The following DCAF6 variants were observed in gnomAD, a reference collection of about 807,000 sequenced individuals.
DCAF6 encodes DDB1- and CUL4-associated factor 6.
In DCAF6, 54 loss-of-function variants were observed where a neutral mutation model predicts 125.1. That is an observed-to-expected ratio of 0.43 (90% CI 0.35 to 0.54). The LOEUF (loss-of-function observed/expected upper bound fraction) is 0.54. Among genes scored for constraint, DCAF6 ranks in the 20% least tolerant of loss-of-function variants. The probability of loss-of-function intolerance (pLI) is 0.01; values close to 1 mark genes in which losing one functional copy is unlikely to be tolerated. For missense variants in DCAF6, 934 were observed against 1,161.7 expected (o/e 0.80, Z 2.85); for synonymous variants, 371 against 390.4 (o/e 0.95, Z 0.58).
intron 12 of DCAF6, among the ~76,000 whole-genome samples, chr1:168,027,417 C>T (rs2103276243): frequency 6.6e-6 from 1 of 152,176 alleles, no homozygotes; most frequent in East Asian, 1.9e-4. Flanking sequence ...TTCTTGTTCT[C>T]AGTTTTACCA....
In DCAF6 at chr1:168,026,825, A is replaced by T. The variant is rs548187881; in HGVS notation, c.1609+3778A>T. On this transcript the variant is annotated intron_variant, in intron 12 of 21. Transcript: ENST00000367840. ...GTCACCAAAGTGATCTGAGGTAGAA[A>T]TAAAGGTAAGGAATCATTAGTTTAT... Among the ~76,000 whole-genome samples, 3 of 152,230 alleles carry T rather than the reference A, an allele frequency of 2.0e-5. No individual in the cohort carries two copies. In the East Asian group the frequency reaches 5.8e-4, roughly 29 times the overall value.
At position 168,069,132 on chromosome 1, in the gene DCAF6, C is replaced by T. The variant is rs149931414; in HGVS notation, c.2791+669C>T. On this transcript the variant is annotated intron_variant, in intron 21 of 21. Coordinates refer to ENST00000367840, the MANE Select transcript of DCAF6 (RefSeq NM_001198956.2). Reference sequence around the variant, plus strand: ...CAGGCTTATACTAATTATTTCACAGCTTTATCCTCATTTACCTCCAATCCT... The same window carrying T: ...CAGGCTTATACTAATTATTTCACAGTTTTATCCTCATTTACCTCCAATCCT... Among the ~76,000 whole-genome samples, 1,306 of 152,252 alleles carry T rather than the reference C, an allele frequency of 8.6e-3. 8 individuals carry two copies. The highest frequency in any genetic ancestry group is 0.012 in the Admixed American group (187 of 15,282).
At chr1:167,927,129 A>G in the DCAF6 span, among the ~76,000 whole-genome samples, 1 of 152,212 alleles carries the variant, frequency 6.6e-6, no homozygotes, top group South Asian at 2.1e-4. Context: ...AAGATATTCA[A>G]ACTTTCTGTC....
chr1:168,068,336 C>A (rs376291700), intron 20 of DCAF6, 22 bp from the exon 21 acceptor site: 2 of 1,544,308 alleles, frequency 1.3e-6, no homozygotes, highest in East Asian at 4.6e-5. Flanking sequence ...ATCTTTGATA[C>A]GATTTTTAAC....
At chr1:168,058,132 C>T (rs184081812) in intron 17 of DCAF6, among the ~76,000 whole-genome samples, 1 of 152,260 alleles carries the variant, frequency 6.6e-6, no homozygotes, top group Non-Finnish European at 1.5e-5. Flanking sequence ...TACTGTGATT[C>T]ATCCATGTTA....
At chr1:168,009,427 T>G (rs954628448) in intron 10 of DCAF6, among the ~76,000 whole-genome samples, 3 of 134,884 alleles carry the variant, frequency 2.2e-5, no homozygotes, top group Non-Finnish European at 4.7e-5. Flanking sequence ...TGTTTCTTTC[T>G]GTCTCTCTCT....
At chr1:167,887,506 A>G in the DCAF6 span, among the ~76,000 whole-genome samples, 70,512 of 151,670 alleles carry the variant, frequency 0.46, 16,790 homozygotes, top group Middle Eastern at 0.63. Context: ...GAGAACACTT[A>G]GACACAGGGT....
At chr1:167,930,235 T>G in the DCAF6 span, among the ~76,000 whole-genome samples, 1 of 152,196 alleles carries the variant, frequency 6.6e-6, no homozygotes, top group African/African-American at 2.4e-5. Flanking sequence ...AAAATACACT[T>G]TGGTTTGAAA....
intron 10 of DCAF6, among the ~76,000 whole-genome samples, chr1:168,006,072 A>G (rs1683290819): frequency 6.6e-6 from 1 of 152,164 alleles, no homozygotes; most frequent in Non-Finnish European, 1.5e-5. Flanking sequence ...TTTTTAGGAA[A>G]ACTTAGCAAG....
At chr1:167,973,524 C>A (rs968565326) in intron 3 of DCAF6, among the ~76,000 whole-genome samples, 1 of 152,058 alleles carries the variant, frequency 6.6e-6, no homozygotes, top group African/African-American at 2.4e-5. Flanking sequence ...GTCATTTCTT[C>A]TACATTTATT....
chr1:167,937,766 A>G (rs917874901), intron 1 of DCAF6, among the ~76,000 whole-genome samples: 1 of 152,030 alleles, frequency 6.6e-6, no homozygotes, highest in Non-Finnish European at 1.5e-5. Flanking sequence ...TGAGGATTCT[A>G]GGTCACGCCC....
At chr1:167,924,837 T>C in the DCAF6 span, among the ~76,000 whole-genome samples, 15 of 152,334 alleles carry the variant, frequency 9.8e-5, no homozygotes, top group Non-Finnish European at 8.8e-5. Flanking sequence ...TCTAATGTAC[T>C]TTCATACTAG....
At chr1:167,895,033 T>C in the DCAF6 span, among the ~76,000 whole-genome samples, 1 of 151,972 alleles carries the variant, frequency 6.6e-6, no homozygotes, top group Non-Finnish European at 1.5e-5. Flanking sequence ...AATACAAAAA[T>C]TAGCTGGGTG....
chr1:167,878,678 G>A, the DCAF6 span: 5 of 1,570,864 alleles, frequency 3.2e-6, no homozygotes, highest in African/African-American at 5.4e-5. Flanking sequence ...GAAATAACAG[G>A]CATTGAACTG....
chr1:167,981,470 C>T (rs778589122), intron 4 of DCAF6, among the ~76,000 whole-genome samples: 1 of 152,050 alleles, frequency 6.6e-6, no homozygotes, highest in Non-Finnish European at 1.5e-5. Flanking sequence ...ACAAATGATC[C>T]TGTTACCCAG....
At chr1:168,036,633 T>A (rs1002673612) in intron 12 of DCAF6, among the ~76,000 whole-genome samples, 1 of 152,160 alleles carries the variant, frequency 6.6e-6, no homozygotes, top group Non-Finnish European at 1.5e-5. Context: ...GACAAATGAC[T>A]AGCAAACAGC....
At chr1:168,042,832 T>G (rs2101781845) in intron 13 of DCAF6, 193 bp from the exon 14 acceptor site, 2 of 457,280 alleles carry the variant, frequency 4.4e-6, no homozygotes, top group Non-Finnish European at 7.9e-6. Flanking sequence ...GAATTTTTTT[T>G]CAAGAGTAAA....
In DCAF6 at chr1:167,957,503, A is replaced by G. The variant is rs77019564; in HGVS notation, c.159+5642A>G. Among the ~76,000 whole-genome samples, 927 of 152,282 alleles carry G rather than the reference A, an allele frequency of 6.1e-3. 5 individuals are homozygous for G. Among genetic ancestry groups the G allele is most frequent in the African/African-American group, 0.021 (892 of 41,576 alleles). On this transcript the variant is annotated intron_variant, in intron 2 of 21. Coordinates refer to ENST00000367840, the MANE Select transcript of DCAF6 (RefSeq NM_001198956.2). ...TACCACATTTAATATTTCATTGTAC[A>G]GATATACCACATTTAATCTGTTCAT...
chr1:167,934,998 G>A (rs1394820464), upstream of DCAF6, among the ~76,000 whole-genome samples: 1 of 151,974 alleles, frequency 6.6e-6, no homozygotes, highest in East Asian at 1.9e-4. Context: ...CGTTTACTGA[G>A]CATTTACAAA....
Sources: allele counts gnomAD v4.1 joint callset (sites outside exome capture counted in the v4.1 genomes callset), GRCh38; gene constraint gnomAD v4.1.1; transcripts MANE v1.5; gene names NCBI Gene and HGNC (gene_info 2026-07-23, HGNC 2026-07-21).